The following DIAPH2 variants were observed in gnomAD, a reference collection of about 807,000 sequenced individuals.
The protein encoded by DIAPH2 is diaphanous related formin 2.
Under a neutral mutation model 92.7 loss-of-function variants are expected in DIAPH2, and 35 were observed. The ratio of observed to expected loss-of-function variants is 0.38; its 90% confidence interval spans 0.29 to 0.50. DIAPH2 has a LOEUF of 0.50. Ranked by LOEUF, DIAPH2 falls within the 20% of genes least tolerant of loss-of-function variation. The pLI is 0.94. For synonymous variants in DIAPH2, 301 were observed against 280.4 expected, an observed-to-expected ratio of 1.07 and a Z score of -0.73; for missense variants, 701 against 819.5, an observed-to-expected ratio of 0.86 and a Z score of 1.77.
chrX:96,993,402 T>C (rs1441944615), intron 17 of DIAPH2, among the ~76,000 whole-genome samples: 1 of 112,402 alleles, frequency 8.9e-6, no homozygotes, highest in South Asian at 3.7e-4. Context: ...AGAGGTTTAA[T>C]CGGCTTATGG....
chrX:97,269,414 AC>A (rs1231176086), intron 23 of DIAPH2, among the ~76,000 whole-genome samples: 3 of 112,060 alleles, frequency 2.7e-5, no homozygotes, highest in Non-Finnish European at 5.6e-5. Context: ...CTTCAGAAAC[AC>A]TCTGTGGATA....
intron 4 of DIAPH2, among the ~76,000 whole-genome samples, chrX:96,820,108 T>C (rs942522231): frequency 1.8e-5 from 2 of 112,295 alleles, no homozygotes; most frequent in African/African-American, 6.5e-5. Flanking sequence ...GGAAGAACTC[T>C]TGTCCAACTT....
intron 26 of DIAPH2, among the ~76,000 whole-genome samples, chrX:97,548,155 G>A (rs1034665922): frequency 2.7e-5 from 3 of 112,065 alleles, no homozygotes; most frequent in African/African-American, 9.7e-5. Context: ...AGGATACCTT[G>A]TGCAATCCAA....
intron 22 of DIAPH2, among the ~76,000 whole-genome samples, chrX:97,149,730 C>CCAAAAAAAAA (rs756254125): frequency 3.2e-5 from 1 of 31,115 alleles, no homozygotes; most frequent in East Asian, 1.6e-3. Context: ...GACTCCATCT[C>CCAAAAAAAAA]AAAAAAAAAA....
At chrX:97,316,631 G>A (rs1376083234) in intron 23 of DIAPH2, among the ~76,000 whole-genome samples, 3 of 111,445 alleles carry the variant, frequency 2.7e-5, no homozygotes, top group Non-Finnish European at 5.7e-5. Context: ...ACTCCATCCC[G>A]GGCCATAGAG....
chrX:97,584,774 A>G (rs2071468360), intron 26 of DIAPH2, among the ~76,000 whole-genome samples: 1 of 112,758 alleles, frequency 8.9e-6, no homozygotes, highest in African/African-American at 3.2e-5. Flanking sequence ...TATTTAATCC[A>G]TTTACTGCTG....
At chrX:97,366,866 G>C (rs1320872282) in intron 24 of DIAPH2, among the ~76,000 whole-genome samples, 3 of 111,535 alleles carry the variant, frequency 2.7e-5, no homozygotes, top group African/African-American at 3.3e-5. Context: ...ATATTATAGT[G>C]TCATATTTTA....
At chrX:97,309,300 T>C (rs1350135109) in intron 23 of DIAPH2, among the ~76,000 whole-genome samples, 2 of 110,028 alleles carry the variant, frequency 1.8e-5, no homozygotes, top group Non-Finnish European at 3.8e-5. Flanking sequence ...GGTTTCACCA[T>C]ACTGGCCAGG....
intron 26 of DIAPH2, among the ~76,000 whole-genome samples, chrX:97,560,500 CT>C (rs774695211): frequency 3.8e-5 from 4 of 106,499 alleles, no homozygotes; most frequent in Non-Finnish European, 5.9e-5. Flanking sequence ...ACTGTGTCTT[CT>C]TTTTTTTTTA....
At chrX:97,268,615 C>G (rs1277040677) in intron 23 of DIAPH2, among the ~76,000 whole-genome samples, 1 of 111,849 alleles carries the variant, frequency 8.9e-6, no homozygotes, top group Non-Finnish European at 1.9e-5. Flanking sequence ...ATTTATGTGA[C>G]CTAGGGAAAG....
At chrX:97,578,455 A>C (rs2071413915) in intron 26 of DIAPH2, among the ~76,000 whole-genome samples, 1 of 104,920 alleles carries the variant, frequency 9.5e-6, no homozygotes, top group Non-Finnish European at 1.9e-5. Flanking sequence ...TTTACTGAGA[A>C]TGATGGTTTC....
intron 15 of DIAPH2, among the ~76,000 whole-genome samples, chrX:96,955,062 A>G (rs1055177142): frequency 4.4e-5 from 5 of 112,495 alleles, no homozygotes; most frequent in African/African-American, 1.6e-4. Context: ...CTTTGAGGAT[A>G]CTGTATTAGT....
At chrX:97,531,662 G>A (rs758442822) in intron 26 of DIAPH2, among the ~76,000 whole-genome samples, 1 of 112,009 alleles carries the variant, frequency 8.9e-6, no homozygotes, top group African/African-American at 3.2e-5. Flanking sequence ...AAATTTTTAG[G>A]ATTGAAAGAA....
chrX:97,258,613 T>G (rs2147565849), intron 23 of DIAPH2, among the ~76,000 whole-genome samples: 1 of 104,349 alleles, frequency 9.6e-6, no homozygotes, highest in Admixed American at 1.1e-4. Context: ...CTCACGCCTG[T>G]AATCCCAGCA....
At chrX:96,871,472 A>AAAAAAC (rs1331650992) in intron 4 of DIAPH2, among the ~76,000 whole-genome samples, 1 of 104,584 alleles carries the variant, frequency 9.6e-6, no homozygotes, top group Non-Finnish European at 2.0e-5. Context: ...TCCGTCTCAA[A>AAAAAAC]AAAAAAAAAA....
intron 4 of DIAPH2, among the ~76,000 whole-genome samples, chrX:96,771,492 A>G (rs2147614389): frequency 9.0e-6 from 1 of 111,650 alleles, no homozygotes; most frequent in Admixed American, 9.5e-5. Context: ...CTAACAATGG[A>G]AAAAATTTTG....
chrX:96,705,464 TGCTTTTACAA>T (rs2063880394), intron 1 of DIAPH2, among the ~76,000 whole-genome samples: 1 of 112,393 alleles, frequency 8.9e-6, no homozygotes, highest in Non-Finnish European at 1.9e-5. Context: ...GGGCAATGAT[TGCTTTTACAA>T]GAGTTAATAC....
intron 22 of DIAPH2, among the ~76,000 whole-genome samples, chrX:97,243,019 C>G (rs1365150021): frequency 1.0e-4 from 11 of 109,569 alleles, no homozygotes; most frequent in Non-Finnish European, 3.8e-5. Flanking sequence ...ATCTCCTGAC[C>G]TCGTGATCTG....
intron 26 of DIAPH2, among the ~76,000 whole-genome samples, chrX:97,567,305 C>A (rs2071334273): frequency 8.9e-6 from 1 of 111,992 alleles, no homozygotes; most frequent in Non-Finnish European, 1.9e-5. Flanking sequence ...AACCTGAATT[C>A]TTTGTCTCCA....
Sources: allele counts gnomAD v4.1 joint callset (sites outside exome capture counted in the v4.1 genomes callset), GRCh38; gene constraint gnomAD v4.1.1; transcripts MANE v1.5; gene names NCBI Gene and HGNC (gene_info 2026-07-23, HGNC 2026-07-21).